CACNA1C: variants seen among roughly 807,000 people sequenced by gnomAD.
CACNA1C encodes the protein voltage-dependent L-type calcium channel subunit alpha-1C.
CACNA1C carries 30 observed loss-of-function variants against 229.0 expected under a neutral mutation model. That is an observed-to-expected ratio of 0.13 (90% CI 0.10 to 0.18). The LOEUF is 0.18. Ranked by LOEUF, CACNA1C falls within the 10% of genes least tolerant of loss-of-function variation. CACNA1C has a pLI of 1.00. For missense variants in CACNA1C, 1,658 were observed against 2,845.0 expected, an observed-to-expected ratio of 0.58 and a Z score of 9.49; for synonymous variants, 1,114 against 1,132.5, an observed-to-expected ratio of 0.98 and a Z score of 0.33.
At chr12:2,523,760 G>A (rs146692302) in intron 9 of CACNA1C, among the ~76,000 whole-genome samples, 15 of 152,292 alleles carry the variant, frequency 9.8e-5, no homozygotes, top group South Asian at 4.1e-4. Context: ...ACACTTGGGC[G>A]TTAAAGTAGC....
chr12:2,207,726 A>C (rs2097791174), intron 3 of CACNA1C, among the ~76,000 whole-genome samples: 1 of 152,100 alleles, frequency 6.6e-6, no homozygotes, highest in South Asian at 2.1e-4. Flanking sequence ...ACACAGGATG[A>C]TTACTTGGGC....
chr12:1,988,165 T>C (rs2038342756), intron 1 of CACNA1C, among the ~76,000 whole-genome samples: 1 of 152,190 alleles, frequency 6.6e-6, no homozygotes, highest in Non-Finnish European at 1.5e-5. Flanking sequence ...AAAATCTCAA[T>C]GGCTTAGCTT....
rs2370598 is a variant in CACNA1C, at chr12:2,557,294, C to T, written c.1508+317C>T. ...CCAGTTAAAAGAAACATAAAGTGAG[C>T]CCTTGTGACTGTCATGACCTACTTC... is the stretch of plus-strand genomic sequence containing the variant. On this transcript the variant is annotated intron_variant, in intron 11 of 46. Transcript: ENST00000399655. Among the ~76,000 whole-genome samples the T allele has an allele frequency of 0.89, 134,824 of 152,064 alleles. 60,308 individuals carry two copies. The highest frequency in any genetic ancestry group is 0.95 in the Non-Finnish European group (64,758 of 67,986).
In CACNA1C at chr12:2,697,625, TCCCCACACCCCTACACAC is replaced by T. The variant is rs1482535837; in HGVS notation, c.*6437_*6454del. On this transcript the variant is annotated 3_prime_UTR_variant, in exon 47 of 47. Coordinates refer to ENST00000399655, the MANE Select transcript of CACNA1C (RefSeq NM_000719.7). ...TGGGCAGTGCCTCCGTTGTCACCAT[TCCCCACACCCCTACACAC>T]CCCCACACCCTCCCCTCCAGGCTCC... 6.6e-6 allele frequency: 1 copy of T among 152,010 alleles called. No individual in the cohort carries two copies. The highest frequency in any genetic ancestry group is 1.9e-4 in the East Asian group (1 of 5,162). The allele number at this position is 152,010 out of a possible 1,614,324, so 9.4% of individuals were successfully genotyped here. A position where few individuals can be genotyped will look rare whatever the true frequency, so the allele number is the denominator to read the frequency against.
intron 3 of CACNA1C, among the ~76,000 whole-genome samples, chr12:2,401,306 G>C (rs963830705): frequency 3.9e-5 from 6 of 152,222 alleles, no homozygotes; most frequent in African/African-American, 1.4e-4. Flanking sequence ...CTGTTGGGCA[G>C]CAGCCAGGGT....
At chr12:2,243,331 A>G (rs187494769) in intron 3 of CACNA1C, among the ~76,000 whole-genome samples, 17 of 152,328 alleles carry the variant, frequency 1.1e-4, no homozygotes, top group East Asian at 5.8e-4. Context: ...GATGAATTGA[A>G]TCATAGGAAA....
chr12:2,681,531 CCCGGTGG>C (rs1156943396), intron 42 of CACNA1C, among the ~76,000 whole-genome samples: 2 of 152,186 alleles, frequency 1.3e-5, no homozygotes, highest in East Asian at 3.9e-4. Flanking sequence ...ACGTCCTGTG[CCCGGTGG>C]CCCCCAAAAG....
intron 4 of CACNA1C, 70 bp from the exon 5 acceptor site, chr12:2,457,497 G>A: frequency 6.5e-7 from 1 of 1,528,114 alleles, no homozygotes; most frequent in South Asian, 1.2e-5. Flanking sequence ...GCTGTATCCA[G>A]AGGTCAGAGC....
intron 3 of CACNA1C, among the ~76,000 whole-genome samples, chr12:2,329,823 A>C (rs1437913880): frequency 6.6e-6 from 1 of 152,172 alleles, no homozygotes; most frequent in Non-Finnish European, 1.5e-5. Context: ...CCTTGTAGTG[A>C]ATAAACTCCC....
At chr12:2,120,489 C>A in intron 3 of CACNA1C, 59 bp downstream of exon 3, 1 of 928,594 alleles carries the variant, frequency 1.1e-6, no homozygotes, top group South Asian at 1.3e-5. Context: ...GCGTTCAGAT[C>A]ACATAGATGC....
intron 2 of CACNA1C, among the ~76,000 whole-genome samples, chr12:2,118,673 C>T (rs2085117767): frequency 6.6e-6 from 1 of 152,192 alleles, no homozygotes; most frequent in African/African-American, 2.4e-5. Context: ...TGGCAGAGGT[C>T]AGCTTCTGTC....
intron 3 of CACNA1C, among the ~76,000 whole-genome samples, chr12:2,267,340 A>C (rs1394929554): frequency 6.6e-6 from 1 of 152,060 alleles, no homozygotes; most frequent in Non-Finnish European, 1.5e-5. Flanking sequence ...AAAATGACTA[A>C]ACTGAGGTCA....
At position 2,155,784 on chromosome 12, in the gene CACNA1C, T is replaced by C. The variant is rs576551816; in HGVS notation, c.477+35354T>C. On this transcript the variant is annotated intron_variant, in intron 3 of 46. Transcript: ENST00000399655. The stretch of plus-strand genomic sequence containing the variant: ...GGTGGGAGGATGAGCCAGATGTCCC[T>C]GGAAAGCCAGTTTAGGGGTGCTTTT... Among the ~76,000 whole-genome samples, 40 of 152,334 alleles carry C rather than the reference T, an allele frequency of 2.6e-4. No homozygotes were observed. The South Asian group carries it at 7.9e-3, about 30-fold the overall frequency.
intron 1 of CACNA1C, chr12:2,004,808 A>C: frequency 4.7e-6 from 1 of 214,010 alleles, no homozygotes; most frequent in Non-Finnish European, 9.4e-6. Context: ...GATCAAATCT[A>C]TCACAATAAA....
intron 1 of CACNA1C, among the ~76,000 whole-genome samples, chr12:2,113,903 G>A (rs1306122481): frequency 6.6e-6 from 1 of 152,226 alleles, no homozygotes; most frequent in African/African-American, 2.4e-5. Context: ...CCAGAGCAGG[G>A]CAGCTGTCCC....
intron 3 of CACNA1C, among the ~76,000 whole-genome samples, chr12:2,273,986 G>T (rs1191039510): frequency 6.6e-6 from 1 of 152,228 alleles, no homozygotes; most frequent in Non-Finnish European, 1.5e-5. Flanking sequence ...CCTCCAGCAG[G>T]CAGGGCTTGT....
At chr12:2,122,850 G>A (rs561078364) in intron 3 of CACNA1C, among the ~76,000 whole-genome samples, 3 of 152,304 alleles carry the variant, frequency 2.0e-5, no homozygotes, top group South Asian at 2.1e-4. Flanking sequence ...TGCAGCGACC[G>A]CTGAGGCCTG....
At chr12:2,399,584 C>A (rs2098646612) in intron 3 of CACNA1C, among the ~76,000 whole-genome samples, 1 of 152,220 alleles carries the variant, frequency 6.6e-6, no homozygotes, top group Non-Finnish European at 1.5e-5. Flanking sequence ...CTTCTCCTCT[C>A]AATGTTCAGA....
At chr12:2,448,873 G>A in intron 3 of CACNA1C, 103 bp from the exon 4 acceptor site, 1 of 944,318 alleles carries the variant, frequency 1.1e-6, no homozygotes, top group East Asian at 2.6e-5. Context: ...CACAGAGGGG[G>A]CAGCATTATC....
Sources: allele counts gnomAD v4.1 joint callset (sites outside exome capture counted in the v4.1 genomes callset), GRCh38; gene constraint gnomAD v4.1.1; transcripts MANE v1.5; gene names NCBI Gene and HGNC (gene_info 2026-07-23, HGNC 2026-07-21).